Variants in PLPPR1 observed in about 807,000 individuals in gnomAD.
PLPPR1 encodes phospholipid phosphatase-related protein type 1.
PLPPR1 carries 10 observed loss-of-function variants against 33.1 expected under a neutral mutation model. The ratio of observed to expected loss-of-function variants is 0.30; its 90% CI spans 0.19 to 0.51. PLPPR1 has a LOEUF of 0.51. Among genes scored for constraint, PLPPR1 ranks in the 20% least tolerant of loss-of-function variants. The probability of loss-of-function intolerance (pLI) is 0.97; values close to 1 mark genes in which losing one functional copy is unlikely to be tolerated. For synonymous variants in PLPPR1, 151 were observed against 151.0 expected (o/e 1.00, Z 0.00); for missense variants, 304 against 408.1 (o/e 0.74, Z 2.20).
chr9:101,123,839 C>T (rs1011120584), intron 1 of PLPPR1, among the ~76,000 whole-genome samples: 2 of 152,078 alleles, frequency 1.3e-5, no homozygotes, highest in Non-Finnish European at 2.9e-5. Context: ...ATGCCCTGGG[C>T]TTAGATTATA....
intron 3 of PLPPR1, among the ~76,000 whole-genome samples, chr9:101,275,562 G>A (rs758136241): frequency 2.0e-5 from 3 of 152,128 alleles, no homozygotes; most frequent in Non-Finnish European, 4.4e-5. Flanking sequence ...AATCTGCAGG[G>A]TATGTTCTGA....
intron 2 of PLPPR1, among the ~76,000 whole-genome samples, chr9:101,261,028 T>C (rs1158137684): frequency 6.6e-6 from 1 of 152,156 alleles, no homozygotes; most frequent in Non-Finnish European, 1.5e-5. Context: ...GAAAAAGAGC[T>C]GAGTACTTAT....
At chr9:101,301,562 G>A (rs371945506) in intron 4 of PLPPR1, among the ~76,000 whole-genome samples, 70 of 152,244 alleles carry the variant, frequency 4.6e-4, no homozygotes, top group East Asian at 1.9e-3. Flanking sequence ...AAGACAAGCA[G>A]GCTATTGTCA....
intron 1 of PLPPR1, among the ~76,000 whole-genome samples, chr9:101,091,595 GC>G (rs1830742651): frequency 6.6e-6 from 1 of 152,034 alleles, no homozygotes; most frequent in Non-Finnish European, 1.5e-5. Context: ...GTCACATTGG[GC>G]CTACCATGAT....
At chr9:101,267,897 T>C (rs1432518737) in intron 2 of PLPPR1, among the ~76,000 whole-genome samples, 2 of 152,196 alleles carry the variant, frequency 1.3e-5, no homozygotes, top group South Asian at 2.1e-4. Context: ...TTTTGTTTTG[T>C]TTTGGAGACA....
At position 101,227,720 on chromosome 9, in the gene PLPPR1, C is replaced by T. The variant is rs76703919; in HGVS notation, c.64-42160C>T. ...CATTTTTCATTTGACATAATGAAAA[C>T]AGGAGAACCCACAGTTATTCAGAAG... is the stretch of plus-strand genomic sequence containing the variant. On this transcript the variant is annotated intron_variant, in intron 2 of 7. Transcript: ENST00000374874. 3.7e-3 allele frequency among the ~76,000 whole-genome samples: 565 copies of T among 152,206 alleles called. 2 individuals carry two copies. Among genetic ancestry groups the T allele is most frequent in the Middle Eastern group, 0.01 (3 of 294 alleles).
At chr9:101,175,614 A>G (rs889250005) in intron 1 of PLPPR1, among the ~76,000 whole-genome samples, 12 of 152,168 alleles carry the variant, frequency 7.9e-5, no homozygotes, top group African/African-American at 2.9e-4. Context: ...CTGTTAGCCC[A>G]TAGAATACAG....
intron 1 of PLPPR1, among the ~76,000 whole-genome samples, chr9:101,146,372 T>C (rs1398564977): frequency 1.3e-5 from 2 of 152,198 alleles, no homozygotes; most frequent in Non-Finnish European, 2.9e-5. Context: ...TAAGGATACC[T>C]GATATTAAGC....
intron 1 of PLPPR1, among the ~76,000 whole-genome samples, chr9:101,111,071 A>G (rs1292207900): frequency 6.6e-6 from 1 of 152,154 alleles, no homozygotes; most frequent in Non-Finnish European, 1.5e-5. Context: ...ATATTAGATG[A>G]TGACCCTTGG....
chr9:101,294,067 A>T (rs1186684027), intron 4 of PLPPR1, among the ~76,000 whole-genome samples: 1 of 152,210 alleles, frequency 6.6e-6, no homozygotes, highest in Non-Finnish European at 1.5e-5. Context: ...CAAGACTAAT[A>T]AAGAAGAAAA....
At chr9:101,035,236 GT>G (rs151281564) in intron 1 of PLPPR1, among the ~76,000 whole-genome samples, 4,850 of 152,176 alleles carry the variant, frequency 0.032, 138 homozygotes, top group East Asian at 0.081. Context: ...TTTGTCATGT[GT>G]TCTAAAATAG....
chr9:101,318,528 T>C (rs1294699137), intron 7 of PLPPR1, among the ~76,000 whole-genome samples: 1 of 152,124 alleles, frequency 6.6e-6, no homozygotes, highest in Non-Finnish European at 1.5e-5. Flanking sequence ...TCCCAGCACA[T>C]TGGGAGGCCA....
chr9:101,139,306 C>T (rs578183635), intron 1 of PLPPR1, among the ~76,000 whole-genome samples: 2 of 152,198 alleles, frequency 1.3e-5, no homozygotes, highest in Non-Finnish European at 2.9e-5. Flanking sequence ...TGCGGTGAGA[C>T]CTGTGAGAGT....
At chr9:101,176,508 C>T (rs1826021726) in intron 1 of PLPPR1, among the ~76,000 whole-genome samples, 1 of 152,146 alleles carries the variant, frequency 6.6e-6, no homozygotes, top group Non-Finnish European at 1.5e-5. Flanking sequence ...AATAACAATG[C>T]CACCTTCTTG....
At chr9:101,161,257 G>A (rs1831769145) in intron 1 of PLPPR1, among the ~76,000 whole-genome samples, 1 of 152,100 alleles carries the variant, frequency 6.6e-6, no homozygotes, top group South Asian at 2.1e-4. Flanking sequence ...ACTCTAAGAT[G>A]TTCTGGCTCT....
At chr9:101,116,968 AC>A (rs1831125085) in intron 1 of PLPPR1, among the ~76,000 whole-genome samples, 1 of 152,088 alleles carries the variant, frequency 6.6e-6, no homozygotes, top group African/African-American at 2.4e-5. Flanking sequence ...GCTTCTCTCT[AC>A]CCTGAATATA....
chr9:101,291,127 G>A (rs1055005893), intron 4 of PLPPR1, among the ~76,000 whole-genome samples: 4 of 152,258 alleles, frequency 2.6e-5, no homozygotes, highest in African/African-American at 9.6e-5. Context: ...CAGCGCACCA[G>A]GAGATTATAT....
chr9:101,237,106 A>G (rs1827317015), intron 2 of PLPPR1, among the ~76,000 whole-genome samples: 1 of 151,890 alleles, frequency 6.6e-6, no homozygotes, highest in Non-Finnish European at 1.5e-5. Context: ...ATGCAAATTA[A>G]AACCACAACA....
chr9:101,037,017 G>A (rs1830018657), intron 1 of PLPPR1, among the ~76,000 whole-genome samples: 1 of 152,094 alleles, frequency 6.6e-6, no homozygotes, highest in Admixed American at 6.6e-5. Flanking sequence ...TCTCAAAGGT[G>A]TAGAGTTTCA....
Sources: gnomAD v4.1 joint callset for allele counts (sites outside exome capture counted in the v4.1 genomes callset) on GRCh38, gnomAD v4.1.1 for gene constraint, MANE v1.5 for transcripts, NCBI Gene and HGNC (gene_info 2026-07-23, HGNC 2026-07-21) for gene names.